The following SH3RF1 variants were observed in gnomAD, a reference collection of about 807,000 sequenced individuals.
SH3RF1 encodes E3 ubiquitin-protein ligase SH3RF1.
SH3RF1 carries 32 observed loss-of-function variants against 74.0 expected under a neutral mutation model. That is an observed-to-expected ratio of 0.43 (90% CI 0.33 to 0.58). The LOEUF (loss-of-function observed/expected upper bound fraction) is 0.58. SH3RF1 is among the 20% of genes least tolerant of loss of function. The pLI is 0.05. For synonymous variants in SH3RF1, 396 were observed against 439.6 expected, an observed-to-expected ratio of 0.90 and a Z score of 1.24; for missense variants, 954 against 1,130.9, an observed-to-expected ratio of 0.84 and a Z score of 2.24.
At chr4:169,232,001 G>A (rs995430624) in intron 2 of SH3RF1, among the ~76,000 whole-genome samples, 4 of 152,282 alleles carry the variant, frequency 2.6e-5, no homozygotes, top group Non-Finnish European at 4.4e-5. Flanking sequence ...AAGACCTTAC[G>A]GCCTCCACTG....
At chr4:169,269,345 G>C (rs1731407074) in intron 1 of SH3RF1, 38 bp from the exon 2 acceptor site, 2 of 952,298 alleles carry the variant, frequency 2.1e-6, no homozygotes, top group East Asian at 2.8e-5. Context: ...GAGAACATGA[G>C]TGTTGTTATC....
intron 2 of SH3RF1, among the ~76,000 whole-genome samples, chr4:169,222,020 C>T (rs1730573758): frequency 6.6e-6 from 1 of 152,224 alleles, no homozygotes; most frequent in African/African-American, 2.4e-5. Context: ...AACATCTATA[C>T]ATTATCAAGT....
intron 2 of SH3RF1, among the ~76,000 whole-genome samples, chr4:169,194,626 T>G (rs1049768895): frequency 1.3e-5 from 2 of 152,240 alleles, no homozygotes; most frequent in African/African-American, 4.8e-5. Context: ...TGGTGAACAC[T>G]TGAGCTCTTT....
chr4:169,252,797 A>G (rs996420887), intron 2 of SH3RF1, among the ~76,000 whole-genome samples: 14 of 152,220 alleles, frequency 9.2e-5, no homozygotes, highest in African/African-American at 3.4e-4. Context: ...CTAAATTTCA[A>G]CATATATCAC....
rs147133099 is a variant in SH3RF1 at position 169,128,682 on chromosome 4, C to T, written c.1179+1364G>A. On this transcript the variant is annotated intron_variant, in intron 6 of 11. Transcript: ENST00000284637. Reference sequence around the variant, plus strand: ...GGAAAATAAGAACAATAAAACTAGCCGGAGCCAACATTTTGACTAATTATG... The same window carrying T: ...GGAAAATAAGAACAATAAAACTAGCTGGAGCCAACATTTTGACTAATTATG... Among the ~76,000 whole-genome samples the T allele has an allele frequency of 5.1e-3, 772 of 152,174 alleles. 5 individuals carry two copies. The highest frequency in any genetic ancestry group is 0.017 in the African/African-American group (702 of 41,510).
chr4:169,126,644 C>T (rs1733529752), intron 6 of SH3RF1, among the ~76,000 whole-genome samples: 1 of 152,082 alleles, frequency 6.6e-6, no homozygotes, highest in African/African-American at 2.4e-5. Flanking sequence ...AGTGCAGTGG[C>T]ACAATCATGG....
Position 169,111,538 on chromosome 4 carries a change from T to A in SH3RF1, c.2140-4333A>T, listed in dbSNP as rs187772151. Among the ~76,000 whole-genome samples the A allele has an allele frequency of 2.1e-3, 320 of 152,076 alleles. 2 individuals are homozygous for A. The highest frequency in any genetic ancestry group is 3.4e-3 in the Non-Finnish European group (229 of 67,986). On this transcript the variant is annotated intron_variant, in intron 10 of 11. Transcript: ENST00000284637. ...CCCTGGTCTCCCAAACTTTTGGGAT[T>A]ATAGGTGTGAGCCACTGTGCCCAGC...
intron 1 of SH3RF1, among the ~76,000 whole-genome samples, chr4:169,270,366 G>GCCCGGCCGGT (rs1045863289): frequency 7.2e-5 from 11 of 152,212 alleles, no homozygotes; most frequent in Admixed American, 2.6e-4. Context: ...TGGGGCTGCG[G>GCCCGGCCGGT]CCCGGCCGGT....
intron 6 of SH3RF1, among the ~76,000 whole-genome samples, chr4:169,125,814 A>G (rs1325394231): frequency 2.0e-5 from 3 of 152,226 alleles, no homozygotes; most frequent in Admixed American, 6.5e-5. Context: ...ACTCAGATGC[A>G]TGAATACTGG....
chr4:169,104,200 T>C (rs534146857), intron 11 of SH3RF1, among the ~76,000 whole-genome samples: 16 of 151,988 alleles, frequency 1.1e-4, no homozygotes, highest in African/African-American at 3.1e-4. Flanking sequence ...CTGGGCAAAG[T>C]GAACCATCAC....
At chr4:169,262,735 G>T (rs1731299371) in intron 2 of SH3RF1, among the ~76,000 whole-genome samples, 1 of 152,088 alleles carries the variant, frequency 6.6e-6, no homozygotes, top group East Asian at 1.9e-4. Flanking sequence ...CATGATTATG[G>T]TTACATGACA....
intron 2 of SH3RF1, among the ~76,000 whole-genome samples, chr4:169,173,026 C>A (rs1362729066): frequency 6.6e-6 from 1 of 152,066 alleles, no homozygotes; most frequent in Admixed American, 6.6e-5. Flanking sequence ...AATACACTTG[C>A]TATAAATAGA....
chr4:169,201,084 T>A (rs17627053), intron 2 of SH3RF1, among the ~76,000 whole-genome samples: 17,217 of 152,244 alleles, frequency 0.11, 1,008 homozygotes, highest in Middle Eastern at 0.16. Flanking sequence ...CATTTCTGAT[T>A]ACTGGCAATT....
rs1192482589 is a variant in SH3RF1 at position 169,106,270 on chromosome 4, G to A, written c.2498+577C>T. ...TGGGATTACAGGGACTCGCCACCAC[G>A]TCTATTTCTTTGTATTTTAGTAGAG... On this transcript the variant is annotated intron_variant, in intron 11 of 11. Coordinates refer to ENST00000284637, the MANE Select transcript of SH3RF1 (RefSeq NM_020870.4). Among the ~76,000 whole-genome samples, 2 of 151,804 alleles carry A rather than the reference G, an allele frequency of 1.3e-5. 1 individual carries two copies. Among genetic ancestry groups the A allele is most frequent in the Middle Eastern group, 6.8e-3 (2 of 294 alleles).
Position 169,117,685 on chromosome 4 carries a change from G to A in SH3RF1, c.1615C>T (p.Pro539Ser). The change falls in exon 9 of 12, where the codon CCT becomes TCT. Residue 539 changes from proline to serine, a missense_variant. Pro to Ser is a moderately conservative substitution (Grantham distance 74). This residue lies in a region of SH3RF1 where 854 missense variants were observed against 962.5 expected (regional missense o/e 0.89). Coordinates refer to ENST00000284637, the MANE Select transcript of SH3RF1 (RefSeq NM_020870.4). Reference sequence around the variant, plus strand: ...CCATTTCCCTGGAGCTTCTGGGCAGGCCCTCCTGCCGTGGAAGGACTGACC... The same window carrying A: ...CCATTTCCCTGGAGCTTCTGGGCAGACCCTCCTGCCGTGGAAGGACTGACC... The part of the protein sequence containing the change: ...TMVSPSTAGG[P>S]AQKLQGNGVA... 1 of 1,614,160 alleles carries A rather than the reference G, an allele frequency of 6.2e-7. No homozygotes were observed. Among genetic ancestry groups the A allele is most frequent in the Non-Finnish European group, 8.5e-7 (1 of 1,180,034 alleles).
intron 2 of SH3RF1, among the ~76,000 whole-genome samples, chr4:169,266,194 A>G (rs1579171616): frequency 6.6e-6 from 1 of 152,372 alleles, no homozygotes; most frequent in Middle Eastern, 3.4e-3. Flanking sequence ...AAATGTTCAA[A>G]TCTGTTGATA....
chr4:169,240,969 G>A (rs1730898859), intron 2 of SH3RF1, among the ~76,000 whole-genome samples: 5 of 152,292 alleles, frequency 3.3e-5, no homozygotes, highest in Admixed American at 3.3e-4. Context: ...GGTGGCTCAC[G>A]TCTGTAATCC....
intron 2 of SH3RF1, among the ~76,000 whole-genome samples, chr4:169,175,238 T>A (rs1291971530): frequency 3.9e-5 from 6 of 152,182 alleles, no homozygotes; most frequent in African/African-American, 1.4e-4. Context: ...ATCAACACCA[T>A]CTGTATTGCC....
intron 2 of SH3RF1, among the ~76,000 whole-genome samples, chr4:169,209,008 G>A (rs770780723): frequency 6.6e-6 from 1 of 152,188 alleles, no homozygotes; most frequent in Non-Finnish European, 1.5e-5. Context: ...GAGGCAGTAG[G>A]ACAGGGCGTG....
Sources: allele counts gnomAD v4.1 joint callset (sites outside exome capture counted in the v4.1 genomes callset), GRCh38; gene constraint gnomAD v4.1.1; regional missense constraint gnomAD v4.1.1; transcripts MANE v1.5; gene names NCBI Gene and HGNC (gene_info 2026-07-23, HGNC 2026-07-21).